The following LRRC8C variants were observed in gnomAD, a reference collection of about 807,000 sequenced individuals.
The protein encoded by LRRC8C is leucine rich repeat containing 8 VRAC subunit C, also known as volume-regulated anion channel subunit LRRC8C.
Under a neutral mutation model 55.3 loss-of-function variants are expected in LRRC8C, and 20 were observed. That is an observed-to-expected ratio of 0.36 (90% CI 0.25 to 0.53). LRRC8C has a LOEUF of 0.53. LRRC8C is among the 20% of genes least tolerant of loss of function. The probability of loss-of-function intolerance (pLI) is 0.92; values close to 1 mark genes in which losing one functional copy is unlikely to be tolerated. For missense variants in LRRC8C, 659 were observed against 951.4 expected (o/e 0.69, Z 4.04); for synonymous variants, 376 against 360.7 (o/e 1.04, Z -0.48).
intron 2 of LRRC8C, among the ~76,000 whole-genome samples, chr1:89,689,876 G>T (rs149780109): frequency 6.6e-6 from 1 of 152,046 alleles, no homozygotes; most frequent in Non-Finnish European, 1.5e-5. Flanking sequence ...GGGAGGCAAA[G>T]GTTGCAGTGA....
chr1:89,635,958 C>T (rs934693599), intron 1 of LRRC8C, among the ~76,000 whole-genome samples: 2 of 152,166 alleles, frequency 1.3e-5, no homozygotes, highest in Non-Finnish European at 2.9e-5. Context: ...GGTTACATAA[C>T]CATGGAGGTA....
chr1:89,672,917 A>G lies in LRRC8C; in HGVS notation c.-4-13553A>G, dbSNP rs2101243060. Among the ~76,000 whole-genome samples, 2 of 152,276 alleles carry G rather than the reference A, an allele frequency of 1.3e-5. 1 individual carries two copies. The highest frequency in any genetic ancestry group is 4.1e-4 in the South Asian group (2 of 4,826). ...GATGGGTCATTGGAAAAGAAGATCA[A>G]ACATTACAAGAACAAGTAAAAACAA... On this transcript the variant is annotated intron_variant, in intron 1 of 2. Transcript: ENST00000370454.
intron 2 of LRRC8C, 70 bp downstream of exon 2, chr1:89,686,681 G>A (rs1276361232): frequency 6.5e-7 from 1 of 1,544,502 alleles, no homozygotes. Context: ...TCTTTAGGGA[G>A]CTGGCTGTGT....
intron 1 of LRRC8C, among the ~76,000 whole-genome samples, chr1:89,655,600 T>C (rs1157858891): frequency 6.6e-6 from 1 of 152,222 alleles, no homozygotes; most frequent in Non-Finnish European, 1.5e-5. Context: ...GGTGCAGGCA[T>C]CTGGTGAGGG....
intron 1 of LRRC8C, among the ~76,000 whole-genome samples, chr1:89,678,308 C>G (rs1228862099): frequency 6.6e-6 from 1 of 152,232 alleles, no homozygotes; most frequent in African/African-American, 2.4e-5. Flanking sequence ...GCATTATTTT[C>G]TAGGTACTTG....
chr1:89,697,161 C>T (rs1658196337), intron 2 of LRRC8C, among the ~76,000 whole-genome samples: 1 of 152,146 alleles, frequency 6.6e-6, no homozygotes, highest in Non-Finnish European at 1.5e-5. Flanking sequence ...TAGATTGGAC[C>T]ACAACCTGGC....
chr1:89,687,176 A>G (rs952357742), intron 2 of LRRC8C, among the ~76,000 whole-genome samples: 3 of 152,240 alleles, frequency 2.0e-5, no homozygotes, highest in African/African-American at 7.2e-5. Flanking sequence ...ATGGATACAT[A>G]TAAGTAGTTC....
At chr1:89,699,340 A>G (rs1658258975) in intron 2 of LRRC8C, among the ~76,000 whole-genome samples, 1 of 152,208 alleles carries the variant, frequency 6.6e-6, no homozygotes, top group Non-Finnish European at 1.5e-5. Flanking sequence ...TCTTTATCCA[A>G]CACCAAGAGT....
In LRRC8C at chr1:89,683,363, T is replaced by TG. The variant is rs1183154807; in HGVS notation, c.-4-3107_-4-3106insG. ...CCATTCAAAGTACAAGATAGACTAA[T>TG]TTTTTTTTTTTTTTAAGATGGAGTC... On this transcript the variant is annotated intron_variant, in intron 1 of 2. Transcript: ENST00000370454. 0.028 allele frequency among the ~76,000 whole-genome samples: 20 copies of TG among 712 alleles called. No individual in the cohort carries two copies. The East Asian group carries it at 0.45, about 16-fold the overall frequency. 0.5% of individuals were successfully genotyped at this position (712 alleles called of 152,430 possible). A position where few individuals can be genotyped will look rare whatever the true frequency, so the allele number is the denominator to read the frequency against.
chr1:89,653,450 G>A (rs1656846173), intron 1 of LRRC8C, among the ~76,000 whole-genome samples: 1 of 152,190 alleles, frequency 6.6e-6, no homozygotes, highest in African/African-American at 2.4e-5. Flanking sequence ...GCAGTCACAA[G>A]ACAATGAATT....
chr1:89,683,986 A>G (rs1358784873), intron 1 of LRRC8C, among the ~76,000 whole-genome samples: 1 of 152,212 alleles, frequency 6.6e-6, no homozygotes, highest in Non-Finnish European at 1.5e-5. Flanking sequence ...GCAAAAATTT[A>G]GAACAATTTC....
At chr1:89,673,667 A>G (rs886507777) in intron 1 of LRRC8C, among the ~76,000 whole-genome samples, 11 of 152,230 alleles carry the variant, frequency 7.2e-5, no homozygotes, top group African/African-American at 2.7e-4. Flanking sequence ...CTATTTACCC[A>G]ATAAATATAT....
At chr1:89,619,686 T>C in the LRRC8C span, among the ~76,000 whole-genome samples, 4 of 151,940 alleles carry the variant, frequency 2.6e-5, no homozygotes, top group African/African-American at 9.7e-5. Context: ...CAACAAATTT[T>C]AACCTCTACC....
chr1:89,707,624 A>C (rs1196123356), intron 2 of LRRC8C, among the ~76,000 whole-genome samples: 2 of 148,654 alleles, frequency 1.3e-5, no homozygotes, highest in Admixed American at 1.4e-4. Flanking sequence ...GCATTCATAA[A>C]AGGTGTGGCT....
At chr1:89,659,057 TTTTTTG>T (rs1484426671) in intron 1 of LRRC8C, among the ~76,000 whole-genome samples, 13 of 81,660 alleles carry the variant, frequency 1.6e-4, no homozygotes, top group African/African-American at 4.8e-4. Flanking sequence ...GGTTTTTTTT[TTTTTTG>T]TGTGTGTGTG....
At chr1:89,675,771 C>T (rs1248967607) in intron 1 of LRRC8C, among the ~76,000 whole-genome samples, 3 of 152,000 alleles carry the variant, frequency 2.0e-5, no homozygotes, top group East Asian at 1.9e-4. Flanking sequence ...TGTGTATCCA[C>T]GCTACCTCAT....
intron 1 of LRRC8C, among the ~76,000 whole-genome samples, chr1:89,662,887 T>C (rs1175295134): frequency 6.6e-6 from 1 of 152,136 alleles, no homozygotes; most frequent in Non-Finnish European, 1.5e-5. Flanking sequence ...GTTTGTTACA[T>C]AGGTATACAC....
At chr1:89,680,426 T>G (rs1657672216) in intron 1 of LRRC8C, among the ~76,000 whole-genome samples, 1 of 151,988 alleles carries the variant, frequency 6.6e-6, no homozygotes, top group Non-Finnish European at 1.5e-5. Context: ...GAAGTAAAGT[T>G]ATGTGGAATA....
chr1:89,665,194 C>A (rs1657227774), intron 1 of LRRC8C, among the ~76,000 whole-genome samples: 1 of 152,164 alleles, frequency 6.6e-6, no homozygotes, highest in African/African-American at 2.4e-5. Flanking sequence ...GAGAGGGTAT[C>A]CTTGTCTTGT....
Sources: gnomAD v4.1 joint callset for allele counts (sites outside exome capture counted in the v4.1 genomes callset) on GRCh38, gnomAD v4.1.1 for gene constraint, MANE v1.5 for transcripts, NCBI Gene and HGNC (gene_info 2026-07-23, HGNC 2026-07-21) for gene names.